The following IQCH variants were observed in gnomAD, a reference collection of about 807,000 sequenced individuals.
The protein encoded by IQCH is IQ motif containing H.
IQCH carries 98 observed loss-of-function variants against 117.0 expected under a neutral mutation model. The observed-to-expected ratio is 0.84, with a 90% CI of 0.71 to 0.99. IQCH has a LOEUF of 0.99. Among genes scored for constraint, IQCH ranks in the 50% least tolerant of loss-of-function variants. IQCH has a pLI of 0.00. For synonymous variants in IQCH, 412 were observed against 448.2 expected (o/e 0.92, Z 1.02); for missense variants, 1,102 against 1,243.8 (o/e 0.89, Z 1.72).
rs1289099727 is a variant in IQCH, at chr15:67,411,986, G to A, written c.2098-4945G>A. On this transcript the variant is annotated intron_variant, in intron 14 of 20. Coordinates refer to ENST00000335894, the MANE Select transcript of IQCH (RefSeq NM_001031715.3). The surrounding 1 kb of genome is among the most constrained non-coding windows in gnomAD (Gnocchi z 4.4). Reference sequence around the variant, plus strand: ...TCTTGGAACCTTCCAACGTCCTGACGATTGTTGATGCACTCTGAGAGGTAA... The same window carrying A: ...TCTTGGAACCTTCCAACGTCCTGACAATTGTTGATGCACTCTGAGAGGTAA... Among the ~76,000 whole-genome samples the A allele has an allele frequency of 3.3e-5, 5 of 152,166 alleles. No individual in the cohort carries two copies. The highest frequency in any genetic ancestry group is 4.8e-5 in the African/African-American group (2 of 41,436).
intron 15 of IQCH, among the ~76,000 whole-genome samples, chr15:67,420,045 C>T (rs1372693412): frequency 6.6e-6 from 1 of 152,164 alleles, no homozygotes; most frequent in Admixed American, 6.5e-5. Context: ...TGTTTTGTTG[C>T]ATTTACCTTG....
Position 67,500,524 on chromosome 15 carries a change from T to C in IQCH, c.2971-109T>C, listed in dbSNP as rs1218948429. 2.1e-6 allele frequency: 1 copy of C among 484,050 alleles called. No individual in the cohort carries two copies. Among genetic ancestry groups the C allele is most frequent in the Non-Finnish European group, 3.7e-6 (1 of 267,734 alleles). 30.0% of individuals were successfully genotyped at this position (484,050 alleles called of 1,614,324 possible). ...GACAAATGCCAGTTGGTAGAATACA[T>C]TCTGAATAGAACTGGTCTAAACCAT... is the stretch of plus-strand genomic sequence containing the variant. On this transcript the variant is annotated intron_variant, in intron 20 of 20. Transcript: ENST00000335894. The surrounding 1 kb of genome is among the most constrained non-coding windows in gnomAD (Gnocchi z 4.4).
intron 3 of IQCH, among the ~76,000 whole-genome samples, chr15:67,274,074 C>T (rs956105090): frequency 6.6e-6 from 1 of 152,188 alleles, no homozygotes; most frequent in Non-Finnish European, 1.5e-5. Context: ...TGCTTCTTCT[C>T]TCTTGCTGTT....
chr15:67,461,846 C>T (rs961149685), intron 16 of IQCH, among the ~76,000 whole-genome samples: 16 of 152,120 alleles, frequency 1.1e-4, no homozygotes, highest in African/African-American at 2.2e-4. Context: ...AGAACAATTA[C>T]GTATGGGGAC....
At chr15:67,415,136 G>A (rs2081545655) in intron 14 of IQCH, among the ~76,000 whole-genome samples, 1 of 152,176 alleles carries the variant, frequency 6.6e-6, no homozygotes, top group South Asian at 2.1e-4. Flanking sequence ...AGGGGTCCGG[G>A]TTGCTGGAGC....
rs1856658155 is a variant in IQCH, at chr15:67,433,973, A to AT, written c.2505+12401dup. Among the ~76,000 whole-genome samples, 1 of 152,164 alleles carries AT rather than the reference A, an allele frequency of 6.6e-6. No individual in the cohort carries two copies. Among genetic ancestry groups the AT allele is most frequent in the African/African-American group, 2.4e-5 (1 of 41,430 alleles). On this transcript the variant is annotated intron_variant, in intron 16 of 20. Coordinates refer to ENST00000335894, the MANE Select transcript of IQCH (RefSeq NM_001031715.3). The surrounding 1 kb of genome is among the most constrained non-coding windows in gnomAD (Gnocchi z 5.4). ...GAGGTATAACTAACCCAAAAAAAGT[A>AT]TTTTTATTTAAGGTGTACAACATGA...
At chr15:67,279,247 AAT>A in intron 3 of IQCH, 146 bp from the exon 4 acceptor site, 1 of 559,672 alleles carries the variant, frequency 1.8e-6, no homozygotes, top group South Asian at 2.3e-5. Flanking sequence ...TGGCAAAAAT[AAT>A]AAAGATTGGT....
At chr15:67,311,138 C>G (rs768282150) in intron 4 of IQCH, among the ~76,000 whole-genome samples, 9 of 152,036 alleles carry the variant, frequency 5.9e-5, no homozygotes, top group Non-Finnish European at 1.2e-4. Flanking sequence ...CAAGGGGAGT[C>G]AGGATTCAAA....
At chr15:67,339,697 T>C (rs1490741943) in intron 5 of IQCH, among the ~76,000 whole-genome samples, 1 of 152,118 alleles carries the variant, frequency 6.6e-6, no homozygotes, top group Non-Finnish European at 1.5e-5. Flanking sequence ...CTTACAATCT[T>C]CTCCCCTTTT....
intron 19 of IQCH, among the ~76,000 whole-genome samples, chr15:67,492,091 C>CAGGAATT (rs2083670268): frequency 6.6e-6 from 1 of 152,102 alleles, no homozygotes; most frequent in Non-Finnish European, 1.5e-5. Context: ...GAACATAGGC[C>CAGGAATT]ACCGGGAATT....
In IQCH at chr15:67,347,646, A is replaced by G. The variant is rs1969455831; in HGVS notation, c.637+3455A>G. 3.3e-5 allele frequency among the ~76,000 whole-genome samples: 5 copies of G among 151,612 alleles called. 1 individual carries two copies. The highest frequency in any genetic ancestry group is 3.3e-4 in the Admixed American group (5 of 15,226). ...AGAAATTCTTCCTGAAAAATAGAAT[A>G]GAAAGAAACACTTCCCAGATAATTT... On this transcript the variant is annotated intron_variant, in intron 6 of 20. Coordinates refer to ENST00000335894, the MANE Select transcript of IQCH (RefSeq NM_001031715.3).
chr15:67,265,562 C>T (rs149970884), intron 3 of IQCH, among the ~76,000 whole-genome samples: 12 of 152,054 alleles, frequency 7.9e-5, no homozygotes, highest in East Asian at 3.9e-4. Flanking sequence ...CAAGGTTAAA[C>T]GAAAAAACTG....
chr15:67,449,453 T>A lies in IQCH; in HGVS notation c.2506-15674T>A, dbSNP rs1460671659. Among the ~76,000 whole-genome samples the A allele has an allele frequency of 1.6e-4, 24 of 152,258 alleles. 1 individual carries two copies. In the South Asian group the frequency reaches 5.0e-3, roughly 32 times the overall value. The stretch of plus-strand genomic sequence containing the variant: ...CAGCTTTCTACATATGGCTAGCCAG[T>A]TTTCCCAGCACCATTTATTAAATAG... On this transcript the variant is annotated intron_variant, in intron 16 of 20. Coordinates refer to ENST00000335894, the MANE Select transcript of IQCH (RefSeq NM_001031715.3).
In IQCH at chr15:67,263,102, C is replaced by G. The variant is rs200214835; in HGVS notation, c.175-20C>G. ...CTTAAGTCCACAATAATTGCCTAAA[C>G]TTTGACATTTCTGTAACAGATTCAC... On this transcript the variant is annotated intron_variant, in intron 2 of 20. Transcript: ENST00000335894. 1 of 1,293,188 alleles carries G rather than the reference C, an allele frequency of 7.7e-7. No individual in the cohort carries two copies. Among genetic ancestry groups the G allele is most frequent in the Admixed American group, 1.7e-5 (1 of 58,980 alleles). The allele number at this position is 1,293,188 out of a possible 1,614,324, so 80.1% of individuals were successfully genotyped here.
intron 4 of IQCH, among the ~76,000 whole-genome samples, chr15:67,282,724 A>G (rs1404854421): frequency 6.6e-6 from 1 of 152,134 alleles, no homozygotes. Flanking sequence ...GGATATTACT[A>G]CCTTTAATTG....
Position 67,465,451 on chromosome 15 carries a change from G to A in IQCH, c.2676+154G>A, listed in dbSNP as rs147501517. Among the ~76,000 whole-genome samples the A allele has an allele frequency of 2.3e-4, 35 of 152,192 alleles. No individual in the cohort carries two copies. Among genetic ancestry groups the A allele is most frequent in the Non-Finnish European group, 4.1e-4 (28 of 68,008 alleles). On this transcript the variant is annotated intron_variant, in intron 17 of 20. Transcript: ENST00000335894. This position sits in a 1 kb window ranked among gnomAD's most constrained non-coding sequence, Gnocchi z 5.9. ...TTGTCTGAGCAGGGTCTGGAAATGC[G>A]AATGTGTTGGTCAGAGGAAAGGGAG...
In IQCH at chr15:67,427,459, T is replaced by G. The variant is rs368001401; in HGVS notation, c.2505+5882T>G. ...TTGAACTCCTGGCCTTGAGCCATCC[T>G]CCTGCCTTGGCCTCCCAAAGTGCTT... On this transcript the variant is annotated intron_variant, in intron 16 of 20. Transcript: ENST00000335894. The surrounding 1 kb of genome is among the most constrained non-coding windows in gnomAD (Gnocchi z 4.7). Among the ~76,000 whole-genome samples the G allele has an allele frequency of 2.2e-4, 34 of 152,052 alleles. 1 individual carries two copies. In the East Asian group the frequency reaches 5.6e-3, roughly 25 times the overall value.
Position 67,385,020 on chromosome 15 carries a change from G to C in IQCH, c.1456+1G>C, listed in dbSNP as rs369043506. ...CTGGGGAGGCTGTGTGACATCTTAG[G>C]TACAGTAAATAGTTTTACACAAATG... On this transcript the variant is annotated splice_donor_variant, in intron 11 of 20. Coordinates refer to ENST00000335894, the MANE Select transcript of IQCH (RefSeq NM_001031715.3). LOFTEE classifies it high-confidence loss of function. The surrounding 1 kb of genome is among the most constrained non-coding windows in gnomAD (Gnocchi z 4.6). The C allele has an allele frequency of 6.3e-5, 99 of 1,576,838 alleles. No individual in the cohort carries two copies. The highest frequency in any genetic ancestry group is 3.2e-4 in the Admixed American group (19 of 59,834).
intron 3 of IQCH, among the ~76,000 whole-genome samples, chr15:67,268,514 C>A (rs1187004109): frequency 6.6e-6 from 1 of 152,112 alleles, no homozygotes; most frequent in Non-Finnish European, 1.5e-5. Flanking sequence ...AGGGTGACTG[C>A]CATCTGTACC....
Sources: allele counts gnomAD v4.1 joint callset (sites outside exome capture counted in the v4.1 genomes callset), GRCh38; gene constraint gnomAD v4.1.1; non-coding constraint Gnocchi (gnomAD v3.1); transcripts MANE v1.5; gene names NCBI Gene and HGNC (gene_info 2026-07-23, HGNC 2026-07-21).